Variants in FAM227B observed in about 807,000 individuals in gnomAD.
FAM227B encodes the protein family with sequence similarity 227 member B.
A neutral mutation model predicts 73.8 loss-of-function variants in FAM227B; 88 were observed. The ratio of observed to expected loss-of-function variants is 1.19; its 90% CI spans 1.00 to 1.42. The LOEUF (loss-of-function observed/expected upper bound fraction) is 1.42. Ranked by LOEUF, FAM227B falls within the 40% of genes most tolerant of loss-of-function variation. FAM227B has a pLI of 0.00. For missense variants in FAM227B, 632 were observed against 590.9 expected, an observed-to-expected ratio of 1.07 and a Z score of -0.72; for synonymous variants, 210 against 190.5, an observed-to-expected ratio of 1.10 and a Z score of -0.84.
chr15:49,552,170 G>C (rs1043330252), intron 9 of FAM227B, among the ~76,000 whole-genome samples: 1 of 152,076 alleles, frequency 6.6e-6, no homozygotes, highest in Non-Finnish European at 1.5e-5. Context: ...TGTAGGATAG[G>C]TCCGGTATTG....
At chr15:49,527,200 G>A (rs984935914) in intron 10 of FAM227B, among the ~76,000 whole-genome samples, 11 of 151,942 alleles carry the variant, frequency 7.2e-5, no homozygotes, top group Non-Finnish European at 1.5e-4. Context: ...ACGGTCAAGT[G>A]GGTTTTATTC....
chr15:49,406,939 G>A (rs73398257), intron 11 of FAM227B, among the ~76,000 whole-genome samples: 3 of 151,938 alleles, frequency 2.0e-5, no homozygotes, highest in Non-Finnish European at 4.4e-5. Flanking sequence ...CAGAACACCC[G>A]AGGATGCCCT....
At chr15:49,593,892 C>T (rs540030443) in intron 3 of FAM227B, among the ~76,000 whole-genome samples, 28 of 152,268 alleles carry the variant, frequency 1.8e-4, no homozygotes, top group Non-Finnish European at 3.7e-4. Context: ...TATAAACATG[C>T]GAGTGCAAGT....
intron 14 of FAM227B, among the ~76,000 whole-genome samples, chr15:49,334,764 C>A (rs1441804399): frequency 6.6e-6 from 1 of 151,942 alleles, no homozygotes; most frequent in African/African-American, 2.4e-5. Flanking sequence ...CAGGAGGCAC[C>A]CAAAAGGGAG....
chr15:49,585,968 G>C lies in FAM227B; in HGVS notation c.405+2048C>G, dbSNP rs962195308. ...CCATAACTTCCCAAAGCAATATGTA[G>C]ATTCAATGCTATTCCTATTAAACTA... On this transcript the variant is annotated intron_variant, in intron 5 of 15. Coordinates refer to ENST00000299338, the MANE Select transcript of FAM227B (RefSeq NM_152647.3). 2.0e-5 allele frequency among the ~76,000 whole-genome samples: 3 copies of C among 152,086 alleles called. 1 individual carries two copies. Among genetic ancestry groups the C allele is most frequent in the African/African-American group, 7.2e-5 (3 of 41,416 alleles).
At chr15:49,338,634 G>A (rs2040183801) in intron 13 of FAM227B, among the ~76,000 whole-genome samples, 2 of 152,144 alleles carry the variant, frequency 1.3e-5, no homozygotes, top group South Asian at 2.1e-4. Flanking sequence ...GAGTATCTTT[G>A]TGGTGTTCTC....
intron 11 of FAM227B, among the ~76,000 whole-genome samples, chr15:49,380,469 A>G (rs531491566): frequency 1.3e-5 from 2 of 152,292 alleles, no homozygotes; most frequent in African/African-American, 4.8e-5. Context: ...TTAAAAAAAA[A>G]TATATTTAAT....
At chr15:49,578,898 C>A (rs944660837) in intron 5 of FAM227B, among the ~76,000 whole-genome samples, 1 of 152,092 alleles carries the variant, frequency 6.6e-6, no homozygotes, top group Admixed American at 6.5e-5. Context: ...TATTTGCAAA[C>A]CATCTATTTA....
At chr15:49,391,043 G>T (rs1343504018) in intron 11 of FAM227B, among the ~76,000 whole-genome samples, 1 of 151,862 alleles carries the variant, frequency 6.6e-6, no homozygotes, top group South Asian at 2.1e-4. Flanking sequence ...TTCCAATTGG[G>T]TCTCAACTTT....
intron 8 of FAM227B, among the ~76,000 whole-genome samples, chr15:49,573,413 C>T (rs529539997): frequency 2.0e-4 from 31 of 152,228 alleles, no homozygotes; most frequent in African/African-American, 6.0e-4. Flanking sequence ...GGAGGTGCTA[C>T]GATTTGAATG....
chr15:49,448,232 G>C (rs950212094), intron 11 of FAM227B, among the ~76,000 whole-genome samples: 1 of 151,364 alleles, frequency 6.6e-6, no homozygotes, highest in Non-Finnish European at 1.5e-5. Flanking sequence ...CACTATTGTT[G>C]TCCCCCCAAC....
chr15:49,576,910 T>G (rs931672867), intron 6 of FAM227B, 65 bp from the exon 7 acceptor site: 2 of 864,468 alleles, frequency 2.3e-6, no homozygotes, highest in Non-Finnish European at 3.7e-6. Flanking sequence ...TAGACTCATA[T>G]AACTACAGAA....
chr15:49,571,985 G>A (rs1296034574), intron 8 of FAM227B, among the ~76,000 whole-genome samples: 1 of 151,854 alleles, frequency 6.6e-6, no homozygotes, highest in Non-Finnish European at 1.5e-5. Context: ...TATAAACACA[G>A]GATATCTTTC....
intron 11 of FAM227B, among the ~76,000 whole-genome samples, chr15:49,405,201 A>G (rs1048166172): frequency 1.3e-5 from 2 of 152,018 alleles, no homozygotes; most frequent in Non-Finnish European, 2.9e-5. Flanking sequence ...TTTCATTTCA[A>G]CCTTAGAGAA....
intron 9 of FAM227B, among the ~76,000 whole-genome samples, chr15:49,554,495 T>A (rs1567566269): frequency 6.6e-6 from 1 of 152,192 alleles, no homozygotes; most frequent in East Asian, 1.9e-4. Context: ...ACAATTCCCC[T>A]CTGTCTAGGG....
intron 11 of FAM227B, chr15:49,424,386 T>C: frequency 6.2e-7 from 1 of 1,613,718 alleles, no homozygotes. Flanking sequence ...ACTATATCTT[T>C]AGCTTGCAAT....
chr15:49,499,198 A>G (rs1226267974), intron 11 of FAM227B, among the ~76,000 whole-genome samples: 1 of 150,058 alleles, frequency 6.7e-6, no homozygotes, highest in African/African-American at 2.4e-5. Context: ...AAAGAAGGGC[A>G]TTACATAATG....
At chr15:49,545,939 T>C (rs937476487) in intron 9 of FAM227B, among the ~76,000 whole-genome samples, 10 of 58,476 alleles carry the variant, frequency 1.7e-4, no homozygotes, top group African/African-American at 4.0e-4. Flanking sequence ...GGAGCAGGAG[T>C]AGCTATTTTT....
intron 7 of FAM227B, 129 bp downstream of exon 7, chr15:49,576,612 T>C: frequency 1.6e-6 from 1 of 623,086 alleles, no homozygotes; most frequent in Non-Finnish European, 2.8e-6. Context: ...TGGTCTTTCC[T>C]GCCAAATTTA....
Sources: gnomAD v4.1 joint callset for allele counts (sites outside exome capture counted in the v4.1 genomes callset) on GRCh38, gnomAD v4.1.1 for gene constraint, MANE v1.5 for transcripts, NCBI Gene and HGNC (gene_info 2026-07-23, HGNC 2026-07-21) for gene names.